IL1RAPL1: variants seen among roughly 807,000 people sequenced by gnomAD.
IL1RAPL1 encodes the protein interleukin 1 receptor accessory protein like 1, also known as interleukin-1 receptor accessory protein-like 1.
IL1RAPL1 carries 3 observed loss-of-function variants against 48.4 expected under a neutral mutation model. The observed-to-expected ratio is 0.06, with a 90% CI of 0.03 to 0.16. The LOEUF is 0.16. IL1RAPL1 is among the 10% of genes least tolerant of loss of function. The pLI is 1.00. For missense variants in IL1RAPL1, 349 were observed against 530.6 expected (o/e 0.66, Z 3.36); for synonymous variants, 185 against 187.7 (o/e 0.99, Z 0.12).
At chrX:28,928,707 G>A (rs186682974) in intron 2 of IL1RAPL1, among the ~76,000 whole-genome samples, 10 of 111,988 alleles carry the variant, frequency 8.9e-5, no homozygotes, top group African/African-American at 1.9e-4. Flanking sequence ...CTGACCTAAC[G>A]AAAGTAGGAA....
chrX:29,123,263 C>G lies in IL1RAPL1; in HGVS notation c.83-159675C>G, dbSNP rs5985822. ...CAGGCTGGTCTCGAACTCCTGACCT[C>G]AAGTGATCCACCCGCCTCAGCCTCC... On this transcript the variant is annotated intron_variant, in intron 2 of 10. Coordinates refer to ENST00000378993, the MANE Select transcript of IL1RAPL1 (RefSeq NM_014271.4). 2.7e-5 allele frequency among the ~76,000 whole-genome samples: 3 copies of G among 109,704 alleles called. No individual in the cohort carries two copies. The South Asian group carries it at 1.1e-3, about 42-fold the overall frequency.
At chrX:28,753,917 AGG>A (rs779409051) in intron 1 of IL1RAPL1, among the ~76,000 whole-genome samples, 3 of 99,961 alleles carry the variant, frequency 3.0e-5, no homozygotes, top group African/African-American at 1.4e-4. Context: ...GGAAGGAGGG[AGG>A]GAGAGAGAGA....
chrX:28,940,443 G>GT (rs1182695212), intron 2 of IL1RAPL1, among the ~76,000 whole-genome samples: 2 of 110,861 alleles, frequency 1.8e-5, no homozygotes, highest in Non-Finnish European at 3.8e-5. Flanking sequence ...TTTTTTTCCT[G>GT]TTTTTACTGT....
chrX:29,429,825 A>G (rs1191094701), intron 5 of IL1RAPL1, among the ~76,000 whole-genome samples: 1 of 109,928 alleles, frequency 9.1e-6, no homozygotes, highest in African/African-American at 3.3e-5. Context: ...TGAACCTCAT[A>G]TCAGTCATTC....
chrX:29,253,213 C>A (rs1223475791), intron 2 of IL1RAPL1, among the ~76,000 whole-genome samples: 1 of 109,892 alleles, frequency 9.1e-6, no homozygotes, highest in Non-Finnish European at 1.9e-5. Flanking sequence ...AGGAAAATAT[C>A]CCTTATAATG....
intron 5 of IL1RAPL1, among the ~76,000 whole-genome samples, chrX:29,455,004 G>A (rs1421203010): frequency 9.0e-6 from 1 of 111,000 alleles, no homozygotes; most frequent in Non-Finnish European, 1.9e-5. Flanking sequence ...AGATGACATT[G>A]GCTGGAAATA....
chrX:29,637,304 A>G (rs991741586), intron 5 of IL1RAPL1, among the ~76,000 whole-genome samples: 1 of 106,632 alleles, frequency 9.4e-6, no homozygotes, highest in African/African-American at 3.4e-5. Flanking sequence ...ATATATACAC[A>G]TCAAACATTA....
At chrX:28,967,170 A>C (rs1455910962) in intron 2 of IL1RAPL1, among the ~76,000 whole-genome samples, 1 of 111,658 alleles carries the variant, frequency 9.0e-6, no homozygotes, top group African/African-American at 3.3e-5. Flanking sequence ...AAATATGTGA[A>C]GCTTCTCTAC....
intron 2 of IL1RAPL1, among the ~76,000 whole-genome samples, chrX:28,898,026 G>A (rs769839246): frequency 1.6e-4 from 18 of 111,040 alleles, no homozygotes; most frequent in South Asian, 1.5e-3. Context: ...CTTCTTTTGT[G>A]GTGGAATGTC....
chrX:29,498,205 G>C (rs1166665482), intron 5 of IL1RAPL1, among the ~76,000 whole-genome samples: 4 of 111,723 alleles, frequency 3.6e-5, no homozygotes, highest in Non-Finnish European at 5.6e-5. Flanking sequence ...ATTGCTTCCA[G>C]ATGAGCCTCT....
intron 2 of IL1RAPL1, among the ~76,000 whole-genome samples, chrX:28,875,427 T>G (rs1185618848): frequency 8.9e-6 from 1 of 112,526 alleles, no homozygotes; most frequent in Non-Finnish European, 1.9e-5. Flanking sequence ...ATTGTAGTAA[T>G]GAACAGCCCC....
intron 9 of IL1RAPL1, among the ~76,000 whole-genome samples, chrX:29,949,247 T>G (rs193061301): frequency 8.9e-6 from 1 of 112,212 alleles, no homozygotes; most frequent in East Asian, 2.8e-4. Context: ...TATTTTTTAT[T>G]TGTTAACGCC....
At chrX:28,707,352 C>G (rs1935387418) in intron 1 of IL1RAPL1, among the ~76,000 whole-genome samples, 1 of 111,940 alleles carries the variant, frequency 8.9e-6, no homozygotes, top group Non-Finnish European at 1.9e-5. Context: ...GAGATGTGTT[C>G]TATATTTTCT....
intron 9 of IL1RAPL1, among the ~76,000 whole-genome samples, chrX:29,949,376 A>G (rs769273384): frequency 8.9e-6 from 1 of 112,426 alleles, no homozygotes; most frequent in South Asian, 3.7e-4. Context: ...TCAAGTAACC[A>G]AACAACTAGT....
At chrX:29,478,173 AAC>A (rs1401215400) in intron 5 of IL1RAPL1, among the ~76,000 whole-genome samples, 1 of 112,141 alleles carries the variant, frequency 8.9e-6, no homozygotes, top group African/African-American at 3.2e-5. Flanking sequence ...TCATAAGTTT[AAC>A]ACACCCAGAA....
At position 29,839,878 on chromosome X, in the gene IL1RAPL1, G is replaced by A. The variant is rs747028722; in HGVS notation, c.779-77586G>A. Among the ~76,000 whole-genome samples the A allele has an allele frequency of 3.6e-5, 4 of 112,263 alleles. No individual in the cohort carries two copies. In the East Asian group the frequency reaches 8.4e-4, roughly 24 times the overall value. On this transcript the variant is annotated intron_variant, in intron 6 of 10. Transcript: ENST00000378993. ...CAAGGTTGCAGTGAGTTGTGATCAC[G>A]CCGCACCACTGCACTCTAACCTGGG... is the stretch of plus-strand genomic sequence containing the variant.
chrX:29,104,978 A>G (rs1928419639), intron 2 of IL1RAPL1, among the ~76,000 whole-genome samples: 1 of 111,712 alleles, frequency 9.0e-6, no homozygotes, highest in African/African-American at 3.3e-5. Flanking sequence ...AAACCTGGGA[A>G]TGATGGGGAA....
intron 1 of IL1RAPL1, among the ~76,000 whole-genome samples, chrX:28,681,821 G>GA (rs996227391): frequency 2.4e-4 from 27 of 110,918 alleles, no homozygotes; most frequent in African/African-American, 7.5e-4. Context: ...CAATAAAATG[G>GA]AAAAAAAATC....
intron 1 of IL1RAPL1, among the ~76,000 whole-genome samples, chrX:28,734,860 C>T (rs1935802067): frequency 9.0e-6 from 1 of 111,547 alleles, no homozygotes; most frequent in Admixed American, 9.5e-5. Flanking sequence ...TTTCCTCTCC[C>T]CTACAAATAT....
Sources: gnomAD v4.1 joint callset for allele counts (sites outside exome capture counted in the v4.1 genomes callset) on GRCh38, gnomAD v4.1.1 for gene constraint, MANE v1.5 for transcripts, NCBI Gene and HGNC (gene_info 2026-07-23, HGNC 2026-07-21) for gene names.